Variants in DDAH1 observed in about 807,000 individuals in gnomAD.
DDAH1 encodes the protein dimethylarginine dimethylaminohydrolase 1.
In DDAH1, 19 loss-of-function variants were observed where a neutral mutation model predicts 28.8. That is an observed-to-expected ratio of 0.66 (90% confidence interval 0.46 to 0.97). DDAH1 has a LOEUF of 0.97. DDAH1 is among the 50% of genes least tolerant of loss of function. DDAH1 has a pLI of 0.00. For synonymous variants in DDAH1, 153 were observed against 154.4 expected (o/e 0.99, Z 0.07); for missense variants, 326 against 375.9 (o/e 0.87, Z 1.10).
At chr1:85,507,148 G>GTA (rs1413120442) in intron 1 of DDAH1, among the ~76,000 whole-genome samples, 1 of 152,124 alleles carries the variant, frequency 6.6e-6, no homozygotes, top group African/African-American at 2.4e-5. Context: ...GTGTGTGTGT[G>GTA]TATATATTTT....
chr1:85,455,503 A>G (rs1654845481), intron 1 of DDAH1, among the ~76,000 whole-genome samples: 1 of 152,206 alleles, frequency 6.6e-6, no homozygotes, highest in African/African-American at 2.4e-5. Context: ...AAAGTTAAAT[A>G]TTAGAAAACT....
intron 1 of DDAH1, among the ~76,000 whole-genome samples, chr1:85,378,180 G>C (rs72722697): frequency 0.015 from 2,242 of 152,270 alleles, 28 homozygotes; most frequent in Non-Finnish European, 0.023. Flanking sequence ...TAAAGTGATA[G>C]AGCAGGTGTA....
intron 1 of DDAH1, among the ~76,000 whole-genome samples, chr1:85,519,290 G>T (rs1449293274): frequency 1.3e-5 from 2 of 151,964 alleles, no homozygotes; most frequent in African/African-American, 4.8e-5. Flanking sequence ...TAGATACGGG[G>T]TTTCACCGTG....
intron 1 of DDAH1, among the ~76,000 whole-genome samples, chr1:85,556,666 T>C (rs1284096722): frequency 6.6e-6 from 1 of 152,216 alleles, no homozygotes; most frequent in African/African-American, 2.4e-5. Flanking sequence ...TAGGATTTAT[T>C]ACTTTCAAGT....
At chr1:85,398,345 C>G (rs1318009736) in intron 1 of DDAH1, 1 of 152,160 alleles carries the variant, frequency 6.6e-6, no homozygotes, top group Non-Finnish European at 1.5e-5. Flanking sequence ...TAGTCTTACT[C>G]TGATTATCTT....
chr1:85,538,895 C>T (rs1274721071), intron 1 of DDAH1, among the ~76,000 whole-genome samples: 8 of 152,064 alleles, frequency 5.3e-5, no homozygotes, highest in East Asian at 1.9e-4. Context: ...TTTGGAGAAA[C>T]GTTCCAAACG....
intron 1 of DDAH1, chr1:85,404,472 C>T: frequency 1.3e-6 from 2 of 1,526,014 alleles, no homozygotes; most frequent in Non-Finnish European, 1.8e-6. Context: ...TTTTAACATC[C>T]ACCTGTGTTA....
chr1:85,533,352 A>G (rs1283814949), intron 1 of DDAH1, among the ~76,000 whole-genome samples: 1 of 151,974 alleles, frequency 6.6e-6, no homozygotes, highest in South Asian at 2.1e-4. Context: ...TCTTTTTTCA[A>G]TTGAGATGGG....
At chr1:85,421,381 G>A (rs1476666501) in intron 1 of DDAH1, among the ~76,000 whole-genome samples, 1 of 152,160 alleles carries the variant, frequency 6.6e-6, no homozygotes, top group East Asian at 1.9e-4. Flanking sequence ...GCTTCAGTGA[G>A]GTTGCTTCAC....
intron 2 of DDAH1, among the ~76,000 whole-genome samples, chr1:85,352,292 T>C (rs1649259222): frequency 6.6e-6 from 1 of 151,978 alleles, no homozygotes; most frequent in Non-Finnish European, 1.5e-5. Context: ...GAGTGTGCTG[T>C]GATGGGACGG....
intron 1 of DDAH1, among the ~76,000 whole-genome samples, chr1:85,566,898 C>T (rs965232675): frequency 6.6e-6 from 1 of 152,160 alleles, no homozygotes; most frequent in Non-Finnish European, 1.5e-5. Flanking sequence ...AGTTGGCATG[C>T]TGGAGACCTA....
At chr1:85,407,943 C>T (rs1652483024) in intron 1 of DDAH1, among the ~76,000 whole-genome samples, 1 of 152,102 alleles carries the variant, frequency 6.6e-6, no homozygotes, top group Admixed American at 6.5e-5. Context: ...ATTATTTCTC[C>T]TGCTTTAGAA....
chr1:85,514,527 TAAAA>T (rs34215001), intron 1 of DDAH1, among the ~76,000 whole-genome samples: 1 of 126,752 alleles, frequency 7.9e-6, no homozygotes. Context: ...CTTAAAGCAT[TAAAA>T]AAAAAAAAAA....
chr1:85,404,468 C>A, intron 1 of DDAH1: 1 of 1,528,042 alleles, frequency 6.5e-7, no homozygotes. Flanking sequence ...CCTGTTTTAA[C>A]ATCCACCTGT....
chr1:85,381,090 T>C (rs1323584435), intron 1 of DDAH1, among the ~76,000 whole-genome samples: 2 of 151,630 alleles, frequency 1.3e-5, no homozygotes, highest in Non-Finnish European at 2.9e-5. Flanking sequence ...ATACAAAAAT[T>C]AGCCGGGCGT....
intron 1 of DDAH1, among the ~76,000 whole-genome samples, chr1:85,569,123 TAAACA>T (rs1425383997): frequency 6.6e-6 from 1 of 152,238 alleles, no homozygotes; most frequent in Non-Finnish European, 1.5e-5. Flanking sequence ...GACTGAACAG[TAAACA>T]AAACAAGACT....
In DDAH1 at chr1:85,383,198, C is replaced by T. The variant is rs191966781; in HGVS notation, c.304-24351G>A. ...GGAAAGGATTAATCATTCTAGATGTCATTAAGAACATTTGTGATTCATGGG... is the reference window on the plus strand; with the variant it reads ...GGAAAGGATTAATCATTCTAGATGTTATTAAGAACATTTGTGATTCATGGG... On this transcript the variant is annotated intron_variant, in intron 1 of 5. Transcript: ENST00000284031. 9.0e-4 allele frequency among the ~76,000 whole-genome samples: 137 copies of T among 152,282 alleles called. 1 individual carries two copies. Among genetic ancestry groups the T allele is most frequent in the Non-Finnish European group, 1.3e-4 (9 of 68,028 alleles).
At chr1:85,473,519 GATAACCCCCTTCA>G (rs1655690389) in intron 2 of DDAH1, among the ~76,000 whole-genome samples, 1 of 151,726 alleles carries the variant, frequency 6.6e-6, no homozygotes, top group African/African-American at 2.4e-5. Context: ...ACAGGGCTCT[GATAACCCCCTTCA>G]TTTCCTTGTG....
chr1:85,578,065 C>T, exon 1 of DDAH1: 4 of 969,012 alleles, frequency 4.1e-6, no homozygotes, highest in Non-Finnish European at 3.7e-6. Context: ...GAGAAGGCGA[C>T]GGGAGGCTGG....
Sources: allele counts gnomAD v4.1 joint callset (sites outside exome capture counted in the v4.1 genomes callset), GRCh38; gene constraint gnomAD v4.1.1; transcripts MANE v1.5; gene names NCBI Gene and HGNC (gene_info 2026-07-23, HGNC 2026-07-21).